PCDH15: variants seen among roughly 807,000 people sequenced by gnomAD.
PCDH15 encodes protocadherin related 15.
In PCDH15, 129 loss-of-function variants were observed where a neutral mutation model predicts 178.5. That is an observed-to-expected ratio of 0.72 (90% CI 0.63 to 0.84). The LOEUF (loss-of-function observed/expected upper bound fraction) is 0.84, where lower values mean the gene tolerates loss of function less well. Among genes scored for constraint, PCDH15 ranks in the 40% least tolerant of loss-of-function variants. The pLI, the probability that PCDH15 is intolerant of heterozygous loss-of-function variation, is 0.00. For synonymous variants in PCDH15, 800 were observed against 732.0 expected, an observed-to-expected ratio of 1.09 and a Z score of -1.50; for missense variants, 2,230 against 2,099.9, an observed-to-expected ratio of 1.06 and a Z score of -1.21.
chr10:55,217,914 A>G (rs1008104964), intron 1 of PCDH15, among the ~76,000 whole-genome samples: 1 of 152,002 alleles, frequency 6.6e-6, no homozygotes, highest in Non-Finnish European at 1.5e-5. Context: ...TTTTGTAAAC[A>G]TAAGAATCTT....
At chr10:54,987,647 G>A (rs1258113810) in intron 2 of PCDH15, among the ~76,000 whole-genome samples, 1 of 150,520 alleles carries the variant, frequency 6.6e-6, no homozygotes, top group African/African-American at 2.4e-5. Context: ...ATGTTTTTTG[G>A]CCGCATAAAT....
At chr10:54,248,063 T>C (rs573782997) in intron 8 of PCDH15, among the ~76,000 whole-genome samples, 2 of 151,394 alleles carry the variant, frequency 1.3e-5, no homozygotes, top group East Asian at 3.9e-4. Context: ...GGTGTTAAAA[T>C]TGACTCCAAG....
intron 2 of PCDH15, among the ~76,000 whole-genome samples, chr10:55,464,103 A>G (rs562264074): frequency 2.6e-5 from 4 of 152,042 alleles, no homozygotes; most frequent in Admixed American, 6.6e-5. Context: ...AGGAGTACTG[A>G]CACATAAACA....
chr10:55,488,421 T>G (rs1448330265), intron 2 of PCDH15, among the ~76,000 whole-genome samples: 1 of 151,542 alleles, frequency 6.6e-6, no homozygotes, highest in Non-Finnish European at 1.5e-5. Flanking sequence ...AATCAATGCA[T>G]AGCAAGTTAG....
At chr10:54,309,272 CTACAAT>C (rs2060746044) in intron 8 of PCDH15, among the ~76,000 whole-genome samples, 1 of 150,494 alleles carries the variant, frequency 6.6e-6, no homozygotes. Flanking sequence ...TTTGGATAAT[CTACAAT>C]TACAATAAGT....
At position 55,387,094 on chromosome 10, in the gene PCDH15, T is replaced by A. The variant is rs76863487; in HGVS notation, c.-155-220443A>T. On this transcript the variant is annotated intron_variant, in intron 2 of 5. Transcript: ENST00000613346. Reference sequence around the variant, plus strand: ...CTTTTTTATTTGATTTTTTAAAATATCGTGCCATTATTTTTGAACTAAAGT... The same window carrying A: ...CTTTTTTATTTGATTTTTTAAAATAACGTGCCATTATTTTTGAACTAAAGT... 3.7e-3 allele frequency among the ~76,000 whole-genome samples: 568 copies of A among 152,252 alleles called. 4 individuals carry two copies. Among genetic ancestry groups the A allele is most frequent in the African/African-American group, 0.011 (473 of 41,556 alleles).
chr10:53,870,530 A>G (rs1289696442), intron 26 of PCDH15, among the ~76,000 whole-genome samples: 1 of 152,190 alleles, frequency 6.6e-6, no homozygotes, highest in Admixed American at 6.5e-5. Flanking sequence ...ATCAAAGATG[A>G]TTGCCAGGAT....
chr10:53,888,339 T>TATATGTACGTAC (rs2081287804), intron 26 of PCDH15, among the ~76,000 whole-genome samples: 2 of 109,562 alleles, frequency 1.8e-5, no homozygotes, highest in African/African-American at 7.3e-5. Flanking sequence ...TATGTACGTA[T>TATATGTACGTAC]ATATATATAC....
intron 2 of PCDH15, among the ~76,000 whole-genome samples, chr10:55,602,739 C>T (rs1276842163): frequency 1.3e-5 from 2 of 152,166 alleles, no homozygotes; most frequent in Non-Finnish European, 2.9e-5. Flanking sequence ...CCCATCTGTA[C>T]ATCACCATCA....
chr10:55,145,916 G>T (rs1838496539), intron 2 of PCDH15, among the ~76,000 whole-genome samples: 1 of 151,888 alleles, frequency 6.6e-6, no homozygotes, highest in Non-Finnish European at 1.5e-5. Flanking sequence ...AAAATAGACA[G>T]ATGTAAACAA....
chr10:55,386,970 T>C (rs564835471), intron 2 of PCDH15, among the ~76,000 whole-genome samples: 8 of 152,246 alleles, frequency 5.3e-5, no homozygotes, highest in East Asian at 1.9e-4. Context: ...CATGTCCACA[T>C]ATATTTTTGG....
At chr10:54,432,629 C>CA (rs1471706126) in intron 3 of PCDH15, among the ~76,000 whole-genome samples, 1 of 151,994 alleles carries the variant, frequency 6.6e-6, no homozygotes, top group African/African-American at 2.4e-5. Context: ...GAAACTACTA[C>CA]AAAAAATTGA....
chr10:54,624,634 G>A (rs1296332077), intron 2 of PCDH15, among the ~76,000 whole-genome samples: 1 of 152,198 alleles, frequency 6.6e-6, no homozygotes, highest in Non-Finnish European at 1.5e-5. Context: ...GAACTGGGCT[G>A]CATAGCAGGA....
At chr10:54,979,811 T>C (rs1470192340) in intron 2 of PCDH15, among the ~76,000 whole-genome samples, 1 of 99,122 alleles carries the variant, frequency 1.0e-5, no homozygotes, top group African/African-American at 4.9e-5. Context: ...TTGGCCATAT[T>C]CTACGTGTAA....
At chr10:53,873,512 C>T (rs763160665) in intron 26 of PCDH15, among the ~76,000 whole-genome samples, 1 of 152,110 alleles carries the variant, frequency 6.6e-6, no homozygotes, top group East Asian at 1.9e-4. Context: ...AGATTAGTAA[C>T]TTGTTCATAA....
At chr10:53,868,722 C>T (rs898735598) in intron 26 of PCDH15, among the ~76,000 whole-genome samples, 2 of 152,286 alleles carry the variant, frequency 1.3e-5, no homozygotes, top group Admixed American at 6.5e-5. Context: ...CCATTTAAAA[C>T]GTTTCCAGAT....
At chr10:55,596,345 T>C in intron 2 of PCDH15, among the ~76,000 whole-genome samples, 1 of 152,104 alleles carries the variant, frequency 6.6e-6, no homozygotes, top group East Asian at 1.9e-4. Flanking sequence ...TCCTGAGAAA[T>C]TTTCAAACAG....
chr10:55,545,332 G>C (rs1345794346), intron 2 of PCDH15, among the ~76,000 whole-genome samples: 4 of 150,820 alleles, frequency 2.7e-5, no homozygotes, highest in Non-Finnish European at 4.4e-5. Flanking sequence ...CTGGAATGCA[G>C]TGGTAGCATC....
chr10:54,211,669 G>A (rs552326319), intron 10 of PCDH15, among the ~76,000 whole-genome samples: 19 of 151,912 alleles, frequency 1.3e-4, no homozygotes, highest in African/African-American at 3.4e-4. Flanking sequence ...TTTTTTCTCC[G>A]CTTTTGAAAC....
Sources: gnomAD v4.1 joint callset for allele counts (sites outside exome capture counted in the v4.1 genomes callset) on GRCh38, gnomAD v4.1.1 for gene constraint, MANE v1.5 for transcripts, NCBI Gene and HGNC (gene_info 2026-07-23, HGNC 2026-07-21) for gene names.